ABI3BP: variants seen among roughly 807,000 people sequenced by gnomAD.
ABI3BP encodes the protein target of Nesh-SH3.
A neutral mutation model predicts 268.6 loss-of-function variants in ABI3BP; 216 were observed. The ratio of observed to expected loss-of-function variants is 0.80; its 90% CI spans 0.72 to 0.90. The LOEUF (loss-of-function observed/expected upper bound fraction) is 0.90. ABI3BP is among the 40% of genes least tolerant of loss of function. ABI3BP has a pLI of 0.00. For missense variants in ABI3BP, 2,090 were observed against 2,182.4 expected, an observed-to-expected ratio of 0.96 and a Z score of 0.84; for synonymous variants, 730 against 730.0, an observed-to-expected ratio of 1.00 and a Z score of 0.00.
chr3:100,985,193 A>G (rs567283537), intron 1 of ABI3BP, among the ~76,000 whole-genome samples: 2 of 117,460 alleles, frequency 1.7e-5, no homozygotes, highest in East Asian at 5.1e-4. Flanking sequence ...TCTGTCGCCC[A>G]GGCTGGAGTG....
intron 14 of ABI3BP, among the ~76,000 whole-genome samples, chr3:100,854,615 G>A (rs1256604208): frequency 1.3e-5 from 2 of 152,154 alleles, no homozygotes; most frequent in Non-Finnish European, 2.9e-5. Context: ...TTATTACTTA[G>A]AGGCAAACTT....
At chr3:100,956,365 T>A (rs2076857964) in intron 1 of ABI3BP, among the ~76,000 whole-genome samples, 1 of 152,050 alleles carries the variant, frequency 6.6e-6, no homozygotes, top group Non-Finnish European at 1.5e-5. Context: ...TCTCTTGAAA[T>A]TAGTCACAAT....
At position 100,833,124 on chromosome 3, in the gene ABI3BP, C is replaced by T. The variant is rs2098520417; in HGVS notation, c.2314+1G>A. 6.5e-7 allele frequency: 1 copy of T among 1,534,268 alleles called. No individual in the cohort carries two copies. Among genetic ancestry groups the T allele is most frequent in the Non-Finnish European group, 8.7e-7 (1 of 1,145,798 alleles). On this transcript the variant is annotated splice_donor_variant, in intron 30 of 67. Transcript: ENST00000471714. LOFTEE classifies it high-confidence loss of function. ...TGCTGAAGGACATAGAGAGTCATTACCTGAAGATGTCCCAGGAGTAATAGG... is the reference window on the plus strand; with the variant it reads ...TGCTGAAGGACATAGAGAGTCATTATCTGAAGATGTCCCAGGAGTAATAGG...
chr3:100,982,946 T>C (rs2090261750), intron 1 of ABI3BP, among the ~76,000 whole-genome samples: 1 of 152,156 alleles, frequency 6.6e-6, no homozygotes, highest in Non-Finnish European at 1.5e-5. Context: ...CAGCATGACT[T>C]TGGCAGACAC....
chr3:100,965,755 G>A (rs978766369), intron 1 of ABI3BP, among the ~76,000 whole-genome samples: 10 of 151,890 alleles, frequency 6.6e-5, no homozygotes, highest in South Asian at 2.1e-4. Context: ...CTTGGGGATC[G>A]TAACAGATGA....
chr3:100,973,639 G>A (rs115968278), intron 1 of ABI3BP, among the ~76,000 whole-genome samples: 3 of 152,058 alleles, frequency 2.0e-5, no homozygotes, highest in Non-Finnish European at 4.4e-5. Context: ...TCTGCATAAC[G>A]TGAGATGCTC....
intron 1 of ABI3BP, among the ~76,000 whole-genome samples, chr3:100,937,618 A>G (rs1253708308): frequency 2.6e-5 from 4 of 152,106 alleles, no homozygotes; most frequent in Non-Finnish European, 5.9e-5. Context: ...AGGTCATTCA[A>G]GCATCTTACA....
chr3:100,925,141 C>T (rs2061439721), intron 2 of ABI3BP, among the ~76,000 whole-genome samples: 2 of 152,128 alleles, frequency 1.3e-5, no homozygotes, highest in South Asian at 4.2e-4. Flanking sequence ...GCTTAATTAA[C>T]AATATTACTC....
chr3:100,916,635 G>A (rs1381628936), intron 2 of ABI3BP, among the ~76,000 whole-genome samples: 1 of 152,178 alleles, frequency 6.6e-6, no homozygotes, highest in Non-Finnish European at 1.5e-5. Flanking sequence ...CCAGCACATT[G>A]TAAGTGCTCA....
intron 31 of ABI3BP, among the ~76,000 whole-genome samples, chr3:100,831,798 G>A (rs938740524): frequency 1.3e-5 from 2 of 152,098 alleles, no homozygotes; most frequent in African/African-American, 4.8e-5. Context: ...CTAGGAGGTG[G>A]CATTTATGCA....
At chr3:100,862,246 A>G (rs1229415885) in intron 14 of ABI3BP, 65 bp downstream of exon 14, 4 of 1,111,284 alleles carry the variant, frequency 3.6e-6, no homozygotes, top group Non-Finnish European at 5.2e-6. Flanking sequence ...AGGAACCTAT[A>G]AAAACAATAA....
chr3:100,943,784 T>G (rs1305570142), intron 1 of ABI3BP, among the ~76,000 whole-genome samples: 1 of 152,138 alleles, frequency 6.6e-6, no homozygotes, highest in Non-Finnish European at 1.5e-5. Context: ...AAAGCCAACA[T>G]TTTTACATCT....
Position 100,885,598 on chromosome 3 carries a change from C to T in ABI3BP, c.644-10G>A. 1 of 1,520,626 alleles carries T rather than the reference C, an allele frequency of 6.6e-7. No homozygotes were observed. Among genetic ancestry groups the T allele is most frequent in the Non-Finnish European group, 8.9e-7 (1 of 1,117,946 alleles). The allele number at this position is 1,520,626 out of a possible 1,614,324, so 94.2% of individuals were successfully genotyped here. A position where few individuals can be genotyped will look rare whatever the true frequency, so the allele number is the denominator to read the frequency against. ...CCATTTACTTTTTTACCTGATGAAA[C>T]AAGGGAAAAATAACATTATTTTTAT... is the stretch of plus-strand genomic sequence containing the variant. On this transcript the variant is annotated splice_polypyrimidine_tract_variant and intron_variant, in intron 5 of 67. Coordinates refer to ENST00000471714, the MANE Select transcript of ABI3BP (RefSeq NM_001375547.2).
At chr3:100,915,319 C>T (rs1319464711) in intron 2 of ABI3BP, among the ~76,000 whole-genome samples, 3 of 152,190 alleles carry the variant, frequency 2.0e-5, no homozygotes, top group African/African-American at 7.2e-5. Context: ...TGCACTGGGA[C>T]ATACTGTGTA....
At chr3:100,964,566 G>A (rs761783434) in intron 1 of ABI3BP, among the ~76,000 whole-genome samples, 1 of 152,124 alleles carries the variant, frequency 6.6e-6, no homozygotes, top group Non-Finnish European at 1.5e-5. Context: ...GAACTCCAGG[G>A]TATAGACACC....
chr3:100,977,400 C>T (rs2086791807), intron 1 of ABI3BP, among the ~76,000 whole-genome samples: 1 of 151,752 alleles, frequency 6.6e-6, no homozygotes, highest in Non-Finnish European at 1.5e-5. Flanking sequence ...CAGAATCTCT[C>T]ATGAGGTTGC....
intron 6 of ABI3BP, among the ~76,000 whole-genome samples, chr3:100,882,573 G>T (rs1475848648): frequency 3.9e-5 from 6 of 151,928 alleles, no homozygotes; most frequent in African/African-American, 1.5e-4. Flanking sequence ...AAACTCATCA[G>T]AGCTGGCTGG....
At position 100,874,834 on chromosome 3, in the gene ABI3BP, T is replaced by C; in HGVS notation, c.910+7A>G. ...GCAAAGTTCAAATACAAAACTTTTC[T>C]GCTTACCTAATTGTGTCTTGAGTGC... On this transcript the variant is annotated splice_region_variant and intron_variant, in intron 9 of 67. Coordinates refer to ENST00000471714, the MANE Select transcript of ABI3BP (RefSeq NM_001375547.2). The C allele has an allele frequency of 6.4e-7, 1 of 1,565,072 alleles. No individual in the cohort carries two copies. The highest frequency in any genetic ancestry group is 1.2e-5 in the South Asian group (1 of 85,446).
intron 59 of ABI3BP, among the ~76,000 whole-genome samples, chr3:100,775,849 G>A (rs899725874): frequency 6.6e-6 from 1 of 152,146 alleles, no homozygotes; most frequent in Non-Finnish European, 1.5e-5. Flanking sequence ...GGATTTGGAT[G>A]TTATTTTTAG....
Sources: gnomAD v4.1 joint callset for allele counts (sites outside exome capture counted in the v4.1 genomes callset) on GRCh38, gnomAD v4.1.1 for gene constraint, MANE v1.5 for transcripts, NCBI Gene and HGNC (gene_info 2026-07-23, HGNC 2026-07-21) for gene names.